EFCAB6: variants seen among roughly 807,000 people sequenced by gnomAD.
EFCAB6 encodes EF-hand calcium binding domain 6, also known as EF-hand calcium-binding domain-containing protein 6.
In EFCAB6, 156 loss-of-function variants were observed where a neutral mutation model predicts 169.8. The ratio of observed to expected loss-of-function variants is 0.92; its 90% confidence interval spans 0.81 to 1.05. The LOEUF (loss-of-function observed/expected upper bound fraction) is 1.05, where lower values mean the gene tolerates loss of function less well. Among genes scored for constraint, EFCAB6 ranks in the 50% least tolerant of loss-of-function variants. EFCAB6 has a pLI of 0.00. For missense variants in EFCAB6, 1,800 were observed against 1,829.1 expected (o/e 0.98, Z 0.29); for synonymous variants, 698 against 676.4 (o/e 1.03, Z -0.50).
chr22:43,735,801 T>A, intron 7 of EFCAB6, 56 bp downstream of exon 7: 1 of 1,595,348 alleles, frequency 6.3e-7, no homozygotes, highest in Non-Finnish European at 8.5e-7. Flanking sequence ...GGTCTCATTC[T>A]GAAATTGGTT....
chr22:43,584,104 C>G (rs188723154), intron 24 of EFCAB6, among the ~76,000 whole-genome samples: 1 of 152,120 alleles, frequency 6.6e-6, no homozygotes, highest in Non-Finnish European at 1.5e-5. Flanking sequence ...CAGGAAGGAA[C>G]TGGTTGTGGC....
chr22:43,736,062 G>A, intron 6 of EFCAB6, 69 bp from the exon 7 acceptor site: 2 of 1,420,224 alleles, frequency 1.4e-6, no homozygotes, highest in South Asian at 3.1e-5. Flanking sequence ...TAATAAAAAT[G>A]TGAAAGTTTT....
chr22:43,690,031 G>T (rs1209246596), intron 10 of EFCAB6, among the ~76,000 whole-genome samples: 2 of 152,156 alleles, frequency 1.3e-5, no homozygotes, highest in African/African-American at 4.8e-5. Context: ...CCATGAGTCT[G>T]CCCAGTTCAA....
chr22:43,638,013 A>C (rs941592250), intron 17 of EFCAB6, among the ~76,000 whole-genome samples: 1 of 152,158 alleles, frequency 6.6e-6, no homozygotes, highest in Admixed American at 6.5e-5. Flanking sequence ...GATTCGTACT[A>C]TCCCCCAGGC....
At chr22:43,640,737 A>G (rs1006587355) in intron 17 of EFCAB6, among the ~76,000 whole-genome samples, 2 of 152,050 alleles carry the variant, frequency 1.3e-5, no homozygotes, top group Non-Finnish European at 2.9e-5. Flanking sequence ...GTCTAGTTTC[A>G]TTTTCCAGGA....
rs1049415028 is a variant in EFCAB6 at position 43,811,141 on chromosome 22, G to A, written c.-145+1027C>T. ...CTAAAAATACAAAAATTAGCTGGGC[G>A]TGGTGGCAGGCGCCTGTAATCCCAG... On this transcript the variant is annotated intron_variant, in intron 1 of 31. Coordinates refer to ENST00000262726, the MANE Select transcript of EFCAB6 (RefSeq NM_022785.4). Among the ~76,000 whole-genome samples the A allele has an allele frequency of 1.2e-4, 18 of 152,020 alleles. No individual in the cohort carries two copies. In the East Asian group the frequency reaches 1.5e-3, roughly 13 times the overall value.
intron 20 of EFCAB6, among the ~76,000 whole-genome samples, chr22:43,623,226 A>G (rs1429543420): frequency 2.0e-5 from 3 of 152,220 alleles, no homozygotes; most frequent in African/African-American, 7.2e-5. Context: ...TTGGTGATGG[A>G]CTATCTAATT....
At chr22:43,784,818 G>A (rs900805915) in intron 2 of EFCAB6, among the ~76,000 whole-genome samples, 3 of 150,196 alleles carry the variant, frequency 2.0e-5, no homozygotes, top group Non-Finnish European at 3.0e-5. Context: ...TGAGGTTACA[G>A]TGAGCTATGA....
chr22:43,687,735 AC>A (rs1314157287), intron 10 of EFCAB6, among the ~76,000 whole-genome samples, 154 bp from the exon 11 acceptor site: 2 of 152,258 alleles, frequency 1.3e-5, no homozygotes, highest in Non-Finnish European at 2.9e-5. Flanking sequence ...GTAAAATAGT[AC>A]TACAAATTGA....
chr22:43,578,546 C>T (rs1329923373), intron 25 of EFCAB6, among the ~76,000 whole-genome samples: 1 of 152,070 alleles, frequency 6.6e-6, no homozygotes, highest in African/African-American at 2.4e-5. Context: ...CACCTGGGAG[C>T]ACCACCTCAC....
In EFCAB6 at chr22:43,554,851, C is replaced by T. The variant is rs2048603649; in HGVS notation, c.3648+18G>A. 6.2e-7 allele frequency: 1 copy of T among 1,611,836 alleles called. No individual in the cohort carries two copies. Among genetic ancestry groups the T allele is most frequent in the African/African-American group, 1.3e-5 (1 of 74,884 alleles). On this transcript the variant is annotated intron_variant, in intron 27 of 31. Transcript: ENST00000262726. ...CAGCCAACGGTGTGCAGGGTGAGGA[C>T]TGACTGGCGTTTCTTACCTGTTCGT...
Position 43,530,949 on chromosome 22 carries a change from C to T in EFCAB6, c.4249G>A (p.Glu1417Lys). Residue 1417 changes from glutamate (E) to lysine (K), a missense_variant, in exon 31 of 32, where the codon GAG becomes AAG. By Grantham distance (56) the Glu-to-Lys change is moderately conservative (BLOSUM62 1). Transcript: ENST00000262726. ...AGAGCAGAGTAAAAAGATGGCGTCT[C>T]CGCGCCGGCTTCTTTCTAGACACAA... ...NAHKMKEAGAETPSFYSALLR... is the reference protein window; with the variant it reads ...NAHKMKEAGAKTPSFYSALLR... 1 of 1,614,120 alleles carries T rather than the reference C, an allele frequency of 6.2e-7. No homozygotes were observed. The highest frequency in any genetic ancestry group is 1.3e-5 in the African/African-American group (1 of 75,064).
intron 20 of EFCAB6, among the ~76,000 whole-genome samples, chr22:43,622,162 G>T (rs1371324949): frequency 6.6e-6 from 1 of 152,144 alleles, no homozygotes; most frequent in Non-Finnish European, 1.5e-5. Context: ...AATACTCCCA[G>T]TTCATTTTAT....
At chr22:43,720,114 T>C (rs376447427) in intron 8 of EFCAB6, among the ~76,000 whole-genome samples, 8 of 152,208 alleles carry the variant, frequency 5.3e-5, no homozygotes, top group Admixed American at 6.5e-5. Flanking sequence ...AATCACCACA[T>C]TGTACATCTT....
At chr22:43,777,206 C>T (rs2061668481) in intron 3 of EFCAB6, among the ~76,000 whole-genome samples, 1 of 152,174 alleles carries the variant, frequency 6.6e-6, no homozygotes, top group African/African-American at 2.4e-5. Flanking sequence ...AGATGGAGAA[C>T]ACGGGGGAGT....
intron 10 of EFCAB6, among the ~76,000 whole-genome samples, chr22:43,709,240 C>T (rs372328628): frequency 1.5e-4 from 23 of 152,246 alleles, no homozygotes; most frequent in African/African-American, 5.5e-4. Context: ...CACCACCATG[C>T]CCGGCTAATT....
At chr22:43,785,595 A>G (rs976815167) in intron 2 of EFCAB6, among the ~76,000 whole-genome samples, 23 of 147,628 alleles carry the variant, frequency 1.6e-4, no homozygotes, top group African/African-American at 5.7e-4. Flanking sequence ...TTATTCCTTA[A>G]GAAACTAGAA....
intron 10 of EFCAB6, among the ~76,000 whole-genome samples, chr22:43,711,170 A>T (rs996831733): frequency 1.3e-5 from 2 of 152,170 alleles, no homozygotes; most frequent in African/African-American, 4.8e-5. Context: ...TTGTTTCTAA[A>T]AAGAGTTCTT....
At chr22:43,677,143 T>A (rs1031678097) in intron 13 of EFCAB6, among the ~76,000 whole-genome samples, 16 of 152,194 alleles carry the variant, frequency 1.1e-4, no homozygotes, top group Non-Finnish European at 1.8e-4. Flanking sequence ...GTTCTTAAAA[T>A]TTTTTAAATG....
Sources: gnomAD v4.1 joint callset for allele counts (sites outside exome capture counted in the v4.1 genomes callset) on GRCh38, gnomAD v4.1.1 for gene constraint, MANE v1.5 for transcripts, NCBI Gene and HGNC (gene_info 2026-07-23, HGNC 2026-07-21) for gene names.